Variants in NFIL3 observed in about 807,000 individuals in gnomAD.
NFIL3 encodes nuclear factor interleukin-3-regulated protein.
A neutral mutation model predicts 10.0 loss-of-function variants in NFIL3; 5 were observed. The observed-to-expected ratio is 0.50, with a 90% confidence interval of 0.26 to 1.06. The LOEUF (loss-of-function observed/expected upper bound fraction) is 1.06. NFIL3 is among the 50% of genes least tolerant of loss of function. NFIL3 has a pLI of 0.13. For synonymous variants in NFIL3, 202 were observed against 206.5 expected, an observed-to-expected ratio of 0.98 and a Z score of 0.19; for missense variants, 436 against 547.6, an observed-to-expected ratio of 0.80 and a Z score of 2.03.
chr9:91,469,742 G>C, the NFIL3 span, among the ~76,000 whole-genome samples: 2 of 152,098 alleles, frequency 1.3e-5, no homozygotes, highest in Admixed American at 6.5e-5. Context: ...TAGCATGAAG[G>C]GCTGTTGAAT....
chr9:91,437,825 A>G, the NFIL3 span, among the ~76,000 whole-genome samples: 3 of 152,264 alleles, frequency 2.0e-5, no homozygotes, highest in East Asian at 3.8e-4. Flanking sequence ...ATGTTGTGAC[A>G]AATGGCAGGA....
Position 91,410,742 on chromosome 9 carries a change from A to C in NFIL3, c.-8T>G, listed in dbSNP as rs752472878. The C allele has an allele frequency of 5.1e-6, 8 of 1,574,700 alleles. No homozygotes were observed. In the East Asian group the frequency reaches 1.8e-4, roughly 35 times the overall value. Reference sequence around the variant, plus strand: ...CATTTTTCTCAGCTGCATCAGAAACAACCTTACCCTATCTATGTGTGTAGG... The same window carrying C: ...CATTTTTCTCAGCTGCATCAGAAACCACCTTACCCTATCTATGTGTGTAGG... On this transcript the variant is annotated 5_prime_UTR_variant, in exon 2 of 2. Coordinates refer to ENST00000297689, the MANE Select transcript of NFIL3 (RefSeq NM_005384.3). The surrounding 1 kb of genome is among the most constrained non-coding windows in gnomAD (Gnocchi z 5.7).
the NFIL3 span, among the ~76,000 whole-genome samples, chr9:91,460,565 C>A: frequency 6.6e-6 from 1 of 152,100 alleles, no homozygotes; most frequent in African/African-American, 2.4e-5. Context: ...GTGTGAGCCA[C>A]CACGCCCAGC....
chr9:91,432,838 T>C, the NFIL3 span, among the ~76,000 whole-genome samples: 2 of 152,192 alleles, frequency 1.3e-5, no homozygotes, highest in African/African-American at 4.8e-5. Flanking sequence ...TATAGCTATT[T>C]TGATGTGATA....
At chr9:91,456,657 T>G in the NFIL3 span, among the ~76,000 whole-genome samples, 1 of 152,122 alleles carries the variant, frequency 6.6e-6, no homozygotes, top group Non-Finnish European at 1.5e-5. Context: ...AGCTTTTCAT[T>G]TTCTTGGCAA....
Position 91,409,087 on chromosome 9 carries a change from C to T in NFIL3, c.*259G>A, listed in dbSNP as rs1833485348. On this transcript the variant is annotated 3_prime_UTR_variant, in exon 2 of 2. Transcript: ENST00000297689. ...ATCCTTTATTGAAACTGGTAACTTA[C>T]ACACTTTATAATAGAACAACAAAAA... 2.9e-6 allele frequency: 1 copy of T among 340,762 alleles called. No homozygotes were observed. Among genetic ancestry groups the T allele is most frequent in the Admixed American group, 4.3e-5 (1 of 22,994 alleles). 21.1% of individuals were successfully genotyped at this position (340,762 alleles called of 1,614,324 possible).
chr9:91,462,373 C>T, the NFIL3 span, among the ~76,000 whole-genome samples: 1 of 152,014 alleles, frequency 6.6e-6, no homozygotes, highest in Non-Finnish European at 1.5e-5. Context: ...AGAAAGTTCC[C>T]TCTATTTCTT....
intron 1 of NFIL3, among the ~76,000 whole-genome samples, chr9:91,421,164 T>A (rs1431286578): frequency 6.6e-6 from 1 of 151,810 alleles, no homozygotes. Context: ...GGATTTGCCC[T>A]GTTGGAAGGA....
intron 1 of NFIL3, among the ~76,000 whole-genome samples, chr9:91,421,661 C>G (rs1047256033): frequency 6.6e-6 from 1 of 152,180 alleles, no homozygotes; most frequent in East Asian, 1.9e-4. Flanking sequence ...AAGGTGGCGC[C>G]ACGCGGCCCC....
rs1475676103 is a variant in NFIL3, at chr9:91,410,570, G to A, written c.165C>T (p.Asn55=). Residue 55 remains asparagine (N), a synonymous_variant, in exon 2 of 2, where the codon AAC becomes AAT. Coordinates refer to ENST00000297689, the MANE Select transcript of NFIL3 (RefSeq NM_005384.3). This position sits in a 1 kb window ranked among gnomAD's most constrained non-coding sequence, Gnocchi z 5.7. ...GTTTCCTCCGACATGCAGAAGATTTGTTCTTCCCCACACTTCCTTCACTGA... is the reference window on the plus strand; with the variant it reads ...GTTTCCTCCGACATGCAGAAGATTTATTCTTCCCCACACTTCCTTCACTGA... ...LLLSEGSVGK[N]KSSACRRKRE... 1 of 1,613,988 alleles carries A rather than the reference G, an allele frequency of 6.2e-7. No homozygotes were observed. The highest frequency in any genetic ancestry group is 1.3e-5 in the African/African-American group (1 of 74,884).
At chr9:91,451,260 T>A in the NFIL3 span, among the ~76,000 whole-genome samples, 1 of 152,226 alleles carries the variant, frequency 6.6e-6, no homozygotes, top group Non-Finnish European at 1.5e-5. Context: ...TGCCTCTAGT[T>A]CTGCTCCTCT....
chr9:91,455,308 A>C, the NFIL3 span, among the ~76,000 whole-genome samples: 1 of 152,110 alleles, frequency 6.6e-6, no homozygotes, highest in Non-Finnish European at 1.5e-5. Flanking sequence ...TGTTTGACTG[A>C]TGTTGAGTTT....
intron 1 of NFIL3, among the ~76,000 whole-genome samples, chr9:91,417,826 T>C (rs529289893): frequency 1.3e-5 from 2 of 152,212 alleles, no homozygotes; most frequent in East Asian, 3.9e-4. Flanking sequence ...ACACACACTC[T>C]CGCACACTGC....
the NFIL3 span, among the ~76,000 whole-genome samples, chr9:91,452,644 AG>A: frequency 6.6e-6 from 1 of 151,972 alleles, no homozygotes; most frequent in Non-Finnish European, 1.5e-5. Flanking sequence ...AAAATTAGCC[AG>A]GTGTGGTGGC....
chr9:91,471,010 G>A, the NFIL3 span, among the ~76,000 whole-genome samples: 4 of 152,164 alleles, frequency 2.6e-5, no homozygotes. Flanking sequence ...ATTTGGGGTG[G>A]AGGGTTATGT....
At chr9:91,420,619 A>G (rs1034744499) in intron 1 of NFIL3, among the ~76,000 whole-genome samples, 1 of 152,190 alleles carries the variant, frequency 6.6e-6, no homozygotes, top group African/African-American at 2.4e-5. Context: ...TGCCTGTAAC[A>G]GGAGGGAAAC....
intron 1 of NFIL3, among the ~76,000 whole-genome samples, chr9:91,421,056 A>C (rs1320123776): frequency 6.6e-6 from 1 of 152,120 alleles, no homozygotes; most frequent in Non-Finnish European, 1.5e-5. Context: ...TCAAGAATGG[A>C]GACGCGCTTG....
At position 91,410,004 on chromosome 9, in the gene NFIL3, T is replaced by C. The variant is rs746092420; in HGVS notation, c.731A>G (p.Tyr244Cys). The change falls in exon 2 of 2, where the codon TAT becomes TGT. Residue 244 changes from tyrosine (Y) to cysteine (C), a missense_variant. Tyr to Cys is a radical substitution (Grantham distance 194, BLOSUM62 -2). Coordinates refer to ENST00000297689, the MANE Select transcript of NFIL3 (RefSeq NM_005384.3). This position sits in a 1 kb window ranked among gnomAD's most constrained non-coding sequence, Gnocchi z 5.7. ...DDRGSYTASI[Y>C]QNYMGNSFSG... The stretch of plus-strand genomic sequence containing the variant: ...GAAAGAATTCCCCATATAGTTTTGA[T>C]AGATGGACGCTGTGTAAGAGCCTCG... 3.1e-6 allele frequency: 5 copies of C among 1,613,068 alleles called. No homozygotes were observed. Among genetic ancestry groups the C allele is most frequent in the Middle Eastern group, 1.6e-4 (1 of 6,062 alleles).
At position 91,410,606 on chromosome 9, in the gene NFIL3, C is replaced by T; in HGVS notation, c.129G>A (p.Glu43=). 1 of 1,614,208 alleles carries T rather than the reference C, an allele frequency of 6.2e-7. No individual in the cohort carries two copies. Among genetic ancestry groups the T allele is most frequent in the Non-Finnish European group, 8.5e-7 (1 of 1,180,040 alleles). Residue 43 remains glutamate (E), a synonymous_variant, in exon 2 of 2, where the codon GAG becomes GAA. Transcript: ENST00000297689. The surrounding 1 kb of genome is among the most constrained non-coding windows in gnomAD (Gnocchi z 5.7). ...TEVSEDSTTG[E]ELLLSEGSVG... ...CACTTCCTTCACTGAGAAGCAGCTC[C>T]TCACCTGTTGTGGAGTCTTCTGACA...
Sources: allele counts gnomAD v4.1 joint callset (sites outside exome capture counted in the v4.1 genomes callset), GRCh38; gene constraint gnomAD v4.1.1; non-coding constraint Gnocchi (gnomAD v3.1); transcripts MANE v1.5; gene names NCBI Gene and HGNC (gene_info 2026-07-23, HGNC 2026-07-21).